SRD5A2: variants seen among roughly 807,000 people sequenced by gnomAD.
The protein encoded by SRD5A2 is steroid 5 alpha-reductase 2, also known as 3-oxo-5-alpha-steroid 4-dehydrogenase 2.
Under a neutral mutation model 27.4 loss-of-function variants are expected in SRD5A2, and 30 were observed. That is an observed-to-expected ratio of 1.10 (90% CI 0.82 to 1.49). The LOEUF (loss-of-function observed/expected upper bound fraction) is 1.49, where lower values mean the gene tolerates loss of function less well. Among genes scored for constraint, SRD5A2 ranks in the 40% most tolerant of loss-of-function variants. SRD5A2 has a pLI of 0.00. For synonymous variants in SRD5A2, 141 were observed against 133.6 expected, an observed-to-expected ratio of 1.06 and a Z score of -0.38; for missense variants, 348 against 323.4, an observed-to-expected ratio of 1.08 and a Z score of -0.58.
rs1665683104 is a variant in SRD5A2, at chr2:31,522,734, T to TAA, written c.*3460_*3461dup. ...TCATCATAGGATAGTGTAGATGCTATAAAATAATCAGCATCCTTCTCCAGA... is the reference window on the plus strand; with the variant it reads ...TCATCATAGGATAGTGTAGATGCTATAAAAAATAATCAGCATCCTTCTCCAGA... On this transcript the variant is annotated 3_prime_UTR_variant, in exon 5 of 5. Coordinates refer to ENST00000622030, the MANE Select transcript of SRD5A2 (RefSeq NM_000348.4). 2 of 222,948 alleles carry TAA rather than the reference T, an allele frequency of 9.0e-6. No individual in the cohort carries two copies. Among genetic ancestry groups the TAA allele is most frequent in the Non-Finnish European group, 1.8e-5 (2 of 111,652 alleles). The allele number at this position is 222,948 out of a possible 1,614,324, so 13.8% of individuals were successfully genotyped here.
At chr2:31,599,736 A>C in the SRD5A2 span, among the ~76,000 whole-genome samples, 1 of 152,052 alleles carries the variant, frequency 6.6e-6, no homozygotes, top group Non-Finnish European at 1.5e-5. Flanking sequence ...CAAACTAGAA[A>C]AGCAAGATCA....
the SRD5A2 span, among the ~76,000 whole-genome samples, chr2:31,608,138 T>C: frequency 6.6e-6 from 1 of 152,092 alleles, no homozygotes; most frequent in Non-Finnish European, 1.5e-5. Context: ...TAAGACATCA[T>C]ATAACTGTTT....
the SRD5A2 span, among the ~76,000 whole-genome samples, chr2:31,634,820 T>C: frequency 6.6e-6 from 1 of 152,156 alleles, no homozygotes; most frequent in South Asian, 2.1e-4. Context: ...TCACTTAACA[T>C]AATGACCTCC....
intron 1 of SRD5A2, among the ~76,000 whole-genome samples, chr2:31,549,124 ATTATTT>A (rs1179480144): frequency 1.4e-5 from 2 of 139,050 alleles, no homozygotes; most frequent in Admixed American, 1.4e-4. Context: ...TATTATTATT[ATTATTT>A]AAGATGGAGT....
At chr2:31,617,307 G>GTC in the SRD5A2 span, among the ~76,000 whole-genome samples, 8 of 152,070 alleles carry the variant, frequency 5.3e-5, no homozygotes, top group African/African-American at 1.9e-4. Context: ...AGGGCATCAG[G>GTC]TCCTGATGCA....
chr2:31,569,155 T>A (rs1278080626), intron 1 of SRD5A2, among the ~76,000 whole-genome samples: 1 of 152,242 alleles, frequency 6.6e-6, no homozygotes, highest in African/African-American at 2.4e-5. Context: ...CCGTGCCAGC[T>A]CTGTGGAGTG....
rs1665854990 is a variant in SRD5A2 at position 31,529,384 on chromosome 2, G to A, written c.621C>T (p.Ala207=). Residue 207 remains alanine, a synonymous_variant, in exon 4 of 5, where the codon GCC becomes GCT. Coordinates refer to ENST00000622030, the MANE Select transcript of SRD5A2 (RefSeq NM_000348.4). ...EIIEWIGYAL[A]TWSLPALAFA... ...ATGCAAGTGCTGGGAGGGACCAAGT[G>A]GCCAGGGCATAGCCGATCCATTCAA... 6.8e-6 allele frequency: 11 copies of A among 1,613,834 alleles called. No homozygotes were observed. The highest frequency in any genetic ancestry group is 8.5e-6 in the Non-Finnish European group (10 of 1,179,858).
chr2:31,582,539 T>C (rs1667100596), upstream of SRD5A2, among the ~76,000 whole-genome samples: 1 of 152,210 alleles, frequency 6.6e-6, no homozygotes, highest in African/African-American at 2.4e-5. Flanking sequence ...TCATAGCCGT[T>C]TCAAGCTTTT....
the SRD5A2 span, among the ~76,000 whole-genome samples, chr2:31,659,698 G>A: frequency 6.6e-6 from 1 of 151,922 alleles, no homozygotes; most frequent in Non-Finnish European, 1.5e-5. Context: ...CAAACAAATG[G>A]AAAAACATTC....
At chr2:31,592,098 A>T in the SRD5A2 span, among the ~76,000 whole-genome samples, 4 of 151,890 alleles carry the variant, frequency 2.6e-5, no homozygotes, top group African/African-American at 9.7e-5. Context: ...TTAAAAAAAA[A>T]CAAAAATAAA....
chr2:31,661,048 T>C, the SRD5A2 span, among the ~76,000 whole-genome samples: 1 of 152,118 alleles, frequency 6.6e-6, no homozygotes, highest in Non-Finnish European at 1.5e-5. Flanking sequence ...AGCCACCTGT[T>C]AACTAAACCC....
the SRD5A2 span, among the ~76,000 whole-genome samples, chr2:31,624,107 G>C: frequency 6.6e-6 from 1 of 151,788 alleles, no homozygotes; most frequent in Non-Finnish European, 1.5e-5. Flanking sequence ...TAATTTTTGT[G>C]GGTAAATAAT....
chr2:31,606,270 C>G, the SRD5A2 span, among the ~76,000 whole-genome samples: 1 of 151,870 alleles, frequency 6.6e-6, no homozygotes, highest in African/African-American at 2.4e-5. Context: ...TTTAATTGTA[C>G]ACTTTGAAAT....
At chr2:31,645,810 A>C in the SRD5A2 span, among the ~76,000 whole-genome samples, 1 of 152,160 alleles carries the variant, frequency 6.6e-6, no homozygotes, top group Non-Finnish European at 1.5e-5. Flanking sequence ...TAAATGTGCA[A>C]TTGATTGATG....
At chr2:31,549,669 G>C (rs534749476) in intron 1 of SRD5A2, among the ~76,000 whole-genome samples, 11 of 152,252 alleles carry the variant, frequency 7.2e-5, no homozygotes, top group African/African-American at 2.6e-4. Context: ...TGATAAAATG[G>C]TAAGTTAACC....
chr2:31,567,456 G>GTATATATATATATATATA (rs1553327758), intron 1 of SRD5A2, among the ~76,000 whole-genome samples: 1 of 140,240 alleles, frequency 7.1e-6, no homozygotes, highest in African/African-American at 2.7e-5. Flanking sequence ...GTGTGTGTGT[G>GTATATATATATATATATA]TATATATATA....
At chr2:31,641,778 GA>G in the SRD5A2 span, among the ~76,000 whole-genome samples, 8 of 151,730 alleles carry the variant, frequency 5.3e-5, no homozygotes, top group Admixed American at 1.3e-4. Context: ...ATTCCTGGGG[GA>G]AAAAAACAAC....
the SRD5A2 span, among the ~76,000 whole-genome samples, chr2:31,648,461 G>A: frequency 6.6e-6 from 1 of 152,210 alleles, no homozygotes; most frequent in Non-Finnish European, 1.5e-5. Context: ...ATAACATGCA[G>A]TGTTGAAGCT....
the SRD5A2 span, among the ~76,000 whole-genome samples, chr2:31,631,483 G>A: frequency 5.9e-5 from 9 of 151,990 alleles, no homozygotes; most frequent in African/African-American, 1.9e-4. Context: ...GATGGGAAAC[G>A]TTCCCCCCCA....
Sources: allele counts gnomAD v4.1 joint callset (sites outside exome capture counted in the v4.1 genomes callset), GRCh38; gene constraint gnomAD v4.1.1; transcripts MANE v1.5; gene names NCBI Gene and HGNC (gene_info 2026-07-23, HGNC 2026-07-21).